Variants in MACROD1 observed in about 807,000 individuals in gnomAD.
MACROD1 encodes the protein mono-ADP ribosylhydrolase 1, also known as ADP-ribose glycohydrolase MACROD1.
A neutral mutation model predicts 41.4 loss-of-function variants in MACROD1; 31 were observed. The ratio of observed to expected loss-of-function variants is 0.75; its 90% CI spans 0.56 to 1.01. The LOEUF (loss-of-function observed/expected upper bound fraction) is 1.01, where lower values mean the gene tolerates loss of function less well. Among genes scored for constraint, MACROD1 ranks in the 50% least tolerant of loss-of-function variants. The pLI is 0.00. For synonymous variants in MACROD1, 252 were observed against 203.4 expected (o/e 1.24, Z -2.03); for missense variants, 473 against 460.0 (o/e 1.03, Z -0.26).
rs1007858987 is a variant in MACROD1, at chr11:64,138,463, C to T, written c.517+12776G>A. 110 of 966,368 alleles carry T rather than the reference C, an allele frequency of 1.1e-4. 2 individuals are homozygous for T. Among genetic ancestry groups the T allele is most frequent in the East Asian group, 1.1e-4 (1 of 8,718 alleles). 59.9% of individuals were successfully genotyped at this position (966,368 alleles called of 1,614,324 possible). On this transcript the variant is annotated intron_variant, in intron 3 of 10. Transcript: ENST00000255681. The stretch of plus-strand genomic sequence containing the variant: ...CATTTGCTTCGTAGATTTTAATGTT[C>T]CTGTTTCTCCTCAACGTCCTCAGCA...
intron 3 of MACROD1, among the ~76,000 whole-genome samples, chr11:64,143,708 A>G (rs1945445784): frequency 6.6e-6 from 1 of 150,668 alleles, no homozygotes; most frequent in Non-Finnish European, 1.5e-5. Context: ...CAAAAAAAAG[A>G]GAACAGAGAG....
At chr11:64,148,823 C>G in intron 3 of MACROD1, 1 of 985,722 alleles carries the variant, frequency 1.0e-6, no homozygotes, top group Non-Finnish European at 1.2e-6. Flanking sequence ...CTGCTGCCCC[C>G]TGGTGGGCAC....
chr11:64,068,306 C>T (rs559085535), intron 3 of MACROD1, among the ~76,000 whole-genome samples: 1 of 152,244 alleles, frequency 6.6e-6, no homozygotes, highest in East Asian at 1.9e-4. Context: ...CCAGCACCCG[C>T]CTGTCCCACT....
intron 3 of MACROD1, among the ~76,000 whole-genome samples, chr11:64,056,978 C>G (rs1200499199): frequency 6.6e-6 from 1 of 152,230 alleles, no homozygotes; most frequent in Non-Finnish European, 1.5e-5. Flanking sequence ...CCGGGTACAG[C>G]CTTGGCCCTT....
In MACROD1 at chr11:64,062,940, C is replaced by T. The variant is rs78924105; in HGVS notation, c.518-47659G>A. Among the ~76,000 whole-genome samples the T allele has an allele frequency of 1.1e-3, 160 of 152,366 alleles. 2 individuals are homozygous for T. The East Asian group carries it at 0.027, about 26-fold the overall frequency. On this transcript the variant is annotated intron_variant, in intron 3 of 10. Coordinates refer to ENST00000255681, the MANE Select transcript of MACROD1 (RefSeq NM_014067.4). Reference sequence around the variant, plus strand: ...TCCCCACAAACACCTGAGCCACCTCCGTGCTCCAGCATGGCCTGGGGCTGG... The same window carrying T: ...TCCCCACAAACACCTGAGCCACCTCTGTGCTCCAGCATGGCCTGGGGCTGG...
At chr11:64,116,129 A>T in intron 3 of MACROD1, 4 of 1,346,230 alleles carry the variant, frequency 3.0e-6, no homozygotes, top group Non-Finnish European at 2.0e-6. Context: ...CCCTTGGTAC[A>T]GGCTGGCAGG....
Position 64,036,830 on chromosome 11 carries a change from TCAAGA to T in MACROD1, c.518-21554_518-21550del, listed in dbSNP as rs1462371935. ...GCGGGCACCCCCCATCCCCCAGCTC[TCAAGA>T]CAAGGAGGCGGCCCGACCCGGCGGC... On this transcript the variant is annotated intron_variant, in intron 3 of 10. Transcript: ENST00000255681. The surrounding 1 kb of genome is among the most constrained non-coding windows in gnomAD (Gnocchi z 5.6). Among the ~76,000 whole-genome samples the T allele has an allele frequency of 6.6e-6, 1 of 152,028 alleles. No homozygotes were observed. The highest frequency in any genetic ancestry group is 2.4e-5 in the African/African-American group (1 of 41,390).
chr11:64,023,021 C>T (rs773516331), intron 3 of MACROD1, among the ~76,000 whole-genome samples: 13 of 152,132 alleles, frequency 8.5e-5, no homozygotes, highest in Middle Eastern at 3.4e-3. Context: ...GCCACCACGC[C>T]GGGCTAATTT....
At chr11:64,156,361 T>C (rs931144787) in intron 1 of MACROD1, among the ~76,000 whole-genome samples, 17 of 152,198 alleles carry the variant, frequency 1.1e-4, no homozygotes, top group African/African-American at 3.9e-4. Context: ...CATGCCACTG[T>C]GTGGGCACTC....
intron 3 of MACROD1, among the ~76,000 whole-genome samples, chr11:64,050,671 T>A (rs1481114929): frequency 6.6e-6 from 1 of 152,168 alleles, no homozygotes; most frequent in Non-Finnish European, 1.5e-5. Flanking sequence ...CAGGCTGGAG[T>A]GCAGTGGCGC....
intron 3 of MACROD1, among the ~76,000 whole-genome samples, chr11:64,076,858 C>T (rs56379738): frequency 0.028 from 4,261 of 152,322 alleles, 187 homozygotes; most frequent in African/African-American, 0.096. Context: ...TTCCTGCCTC[C>T]ATCCCTTGCC....
At chr11:64,047,718 G>A (rs1408925686) in intron 3 of MACROD1, among the ~76,000 whole-genome samples, 1 of 151,910 alleles carries the variant, frequency 6.6e-6, no homozygotes, top group African/African-American at 2.4e-5. Flanking sequence ...CCAACGTGGT[G>A]AAACCCCTTC....
At chr11:64,159,460 C>T (rs574484211) in intron 1 of MACROD1, among the ~76,000 whole-genome samples, 118 of 152,220 alleles carry the variant, frequency 7.8e-4, no homozygotes, top group Non-Finnish European at 1.1e-3. Context: ...ACCACCACTG[C>T]ACTCCAGCCT....
intron 3 of MACROD1, among the ~76,000 whole-genome samples, chr11:64,019,212 T>G (rs1344624241): frequency 6.6e-6 from 1 of 152,042 alleles, no homozygotes; most frequent in South Asian, 2.1e-4. Flanking sequence ...CCCCATCGGG[T>G]TCCCCCCGCC....
intron 3 of MACROD1, among the ~76,000 whole-genome samples, chr11:64,091,959 G>A (rs1358087484): frequency 6.6e-6 from 1 of 152,178 alleles, no homozygotes; most frequent in Non-Finnish European, 1.5e-5. Flanking sequence ...GGGCAGTGGC[G>A]TCACTCTGGG....
At chr11:64,025,855 G>C (rs1943217808) in intron 3 of MACROD1, among the ~76,000 whole-genome samples, 1 of 151,914 alleles carries the variant, frequency 6.6e-6, no homozygotes. Flanking sequence ...AAGTAGCTAG[G>C]ACTACAGGCA....
intron 3 of MACROD1, among the ~76,000 whole-genome samples, chr11:64,130,158 C>A (rs559731105): frequency 1.2e-4 from 19 of 152,140 alleles, no homozygotes; most frequent in Non-Finnish European, 1.6e-4. Flanking sequence ...CCTTTCCTTC[C>A]CCACAAATCT....
intron 3 of MACROD1, among the ~76,000 whole-genome samples, chr11:64,020,363 TCTC>T (rs1943137008): frequency 6.6e-6 from 1 of 151,700 alleles, no homozygotes; most frequent in African/African-American, 2.4e-5. Flanking sequence ...GGAGGTAAAA[TCTC>T]CTATTTTGCC....
rs1461483401 is a variant in MACROD1, at chr11:64,067,233, C to G, written c.518-51952G>C. On this transcript the variant is annotated intron_variant, in intron 3 of 10. Transcript: ENST00000255681. The surrounding 1 kb of genome is among the most constrained non-coding windows in gnomAD (Gnocchi z 4.6). ...ATGGGAGGGGTGGGGAGAGGCCTTGCATGGCACCCACTCCCACCTGTGCGG... is the reference window on the plus strand; with the variant it reads ...ATGGGAGGGGTGGGGAGAGGCCTTGGATGGCACCCACTCCCACCTGTGCGG... 6.6e-6 allele frequency among the ~76,000 whole-genome samples: 1 copy of G among 152,106 alleles called. No individual in the cohort carries two copies. Among genetic ancestry groups the G allele is most frequent in the South Asian group, 2.1e-4 (1 of 4,828 alleles).
Sources: allele counts gnomAD v4.1 joint callset (sites outside exome capture counted in the v4.1 genomes callset), GRCh38; gene constraint gnomAD v4.1.1; non-coding constraint Gnocchi (gnomAD v3.1); transcripts MANE v1.5; gene names NCBI Gene and HGNC (gene_info 2026-07-23, HGNC 2026-07-21).